The following ADGRL2 variants were observed in gnomAD, a reference collection of about 807,000 sequenced individuals.
ADGRL2 encodes adhesion G protein-coupled receptor L2.
ADGRL2 carries 44 observed loss-of-function variants against 157.4 expected under a neutral mutation model. That is an observed-to-expected ratio of 0.28 (90% CI 0.22 to 0.36). The LOEUF is 0.36. Among genes scored for constraint, ADGRL2 ranks in the 10% least tolerant of loss-of-function variants. The probability of loss-of-function intolerance (pLI) is 1.00; values close to 1 mark genes in which losing one functional copy is unlikely to be tolerated. For missense variants in ADGRL2, 1,510 were observed against 1,768.9 expected, an observed-to-expected ratio of 0.85 and a Z score of 2.63; for synonymous variants, 585 against 624.7, an observed-to-expected ratio of 0.94 and a Z score of 0.95.
chr1:81,519,144 T>C (rs547012954), intron 2 of ADGRL2, among the ~76,000 whole-genome samples: 1 of 152,320 alleles, frequency 6.6e-6, no homozygotes, highest in Non-Finnish European at 1.5e-5. Flanking sequence ...AACCCAGCTA[T>C]TTGAAGACAA....
chr1:81,587,831 G>T (rs1464404105), intron 3 of ADGRL2, among the ~76,000 whole-genome samples: 1 of 151,924 alleles, frequency 6.6e-6, no homozygotes, highest in Non-Finnish European at 1.5e-5. Context: ...AATTAAGGAG[G>T]GATTTTAGGT....
intron 2 of ADGRL2, among the ~76,000 whole-genome samples, chr1:81,574,488 G>A (rs372053046): frequency 4.6e-5 from 7 of 152,172 alleles, no homozygotes; most frequent in South Asian, 2.1e-4. Context: ...ACAGACTGCA[G>A]AGCCCAGTAC....
chr1:81,421,415 G>T (rs1052176312), intron 1 of ADGRL2, among the ~76,000 whole-genome samples: 2 of 152,132 alleles, frequency 1.3e-5, no homozygotes, highest in African/African-American at 4.8e-5. Context: ...CCCTTTCATC[G>T]ACTTGCATTA....
chr1:81,605,502 C>T (rs747663807), intron 3 of ADGRL2, among the ~76,000 whole-genome samples: 7 of 152,186 alleles, frequency 4.6e-5, no homozygotes, highest in Admixed American at 1.3e-4. Context: ...TAAGCCCCCA[C>T]ATAATAATAT....
intron 2 of ADGRL2, among the ~76,000 whole-genome samples, chr1:81,472,655 G>C (rs12726593): frequency 0.14 from 21,822 of 151,884 alleles, 1,634 homozygotes; most frequent in East Asian, 0.19. Context: ...GGAAAGGAAA[G>C]GGAAAGGGAA....
intron 1 of ADGRL2, among the ~76,000 whole-genome samples, chr1:81,712,965 C>T (rs1209539407): frequency 6.6e-6 from 1 of 151,906 alleles, no homozygotes. Flanking sequence ...ACCATGTTGG[C>T]CAGGCTGGTC....
chr1:81,473,045 A>G (rs138993820), intron 2 of ADGRL2, among the ~76,000 whole-genome samples: 147 of 146,630 alleles, frequency 1.0e-3, no homozygotes, highest in Non-Finnish European at 6.8e-4. Flanking sequence ...TGTGAACTCA[A>G]TGGATCAATG....
At chr1:81,800,840 G>A (rs1164220835), upstream of ADGRL2, among the ~76,000 whole-genome samples, 120 of 150,500 alleles carry the variant, frequency 8.0e-4, no homozygotes, top group Admixed American at 1.3e-4. Context: ...GCAGAGCTCG[G>A]GGACCTGGGG....
At position 81,814,965 on chromosome 1, in the gene ADGRL2, A is replaced by T. The variant is rs1460491930; in HGVS notation, c.-101+13897A>T. 2.0e-5 allele frequency among the ~76,000 whole-genome samples: 3 copies of T among 151,912 alleles called. No homozygotes were observed. In the East Asian group the frequency reaches 5.8e-4, roughly 29 times the overall value. On this transcript the variant is annotated intron_variant, in intron 1 of 23. Coordinates refer to ENST00000686636, the MANE Select transcript of ADGRL2 (RefSeq NM_001366006.2). Reference sequence around the variant, plus strand: ...ACCTTTATTTAAAAATAAACACAACATCTAAGGAAATCCCTAAAATTCAGA... The same window carrying T: ...ACCTTTATTTAAAAATAAACACAACTTCTAAGGAAATCCCTAAAATTCAGA...
chr1:81,378,144 A>C (rs1050334397), intron 1 of ADGRL2, among the ~76,000 whole-genome samples: 1 of 151,292 alleles, frequency 6.6e-6, no homozygotes, highest in Non-Finnish European at 1.5e-5. Context: ...GTGCCACTGC[A>C]CTCCATCTTG....
chr1:81,889,168 T>G (rs1310952833), intron 2 of ADGRL2, among the ~76,000 whole-genome samples: 1 of 152,206 alleles, frequency 6.6e-6, no homozygotes, highest in East Asian at 1.9e-4. Context: ...AGTTGCACAT[T>G]TCTTCATATT....
At chr1:81,741,810 T>A (rs986758133) in intron 1 of ADGRL2, among the ~76,000 whole-genome samples, 1 of 152,090 alleles carries the variant, frequency 6.6e-6, no homozygotes, top group East Asian at 1.9e-4. Flanking sequence ...AAAGTATACA[T>A]GCTTTTTTCC....
chr1:81,897,152 G>T (rs1176337758), intron 2 of ADGRL2, among the ~76,000 whole-genome samples: 2 of 152,174 alleles, frequency 1.3e-5, no homozygotes, highest in Non-Finnish European at 2.9e-5. Context: ...CTGTTTTCAA[G>T]ACCTGGTGTC....
chr1:81,589,710 C>G (rs186891871), intron 3 of ADGRL2, among the ~76,000 whole-genome samples: 74 of 152,080 alleles, frequency 4.9e-4, no homozygotes, highest in African/African-American at 1.7e-3. Flanking sequence ...ATTTATTGCA[C>G]TAATCTGTGC....
chr1:81,476,915 C>T lies in ADGRL2; in HGVS notation c.-248+31826C>T, dbSNP rs79404506. On this transcript the variant is annotated intron_variant, in intron 2 of 24. Coordinates refer to the ADGRL2 transcript ENST00000370721. ...CATCGATTAAACTGTATTTTTAAAT[C>T]ACCCACATTTACCTGCCTAGTCCAG... 2.6e-3 allele frequency among the ~76,000 whole-genome samples: 400 copies of T among 152,262 alleles called. 3 individuals are homozygous for T. The highest frequency in any genetic ancestry group is 9.3e-3 in the African/African-American group (388 of 41,548).
At chr1:81,982,976 T>C (rs1313222158) in intron 19 of ADGRL2, among the ~76,000 whole-genome samples, 2 of 151,986 alleles carry the variant, frequency 1.3e-5, no homozygotes, top group African/African-American at 4.8e-5. Context: ...TTAATAACAA[T>C]GAACTTTAAC....
intron 1 of ADGRL2, among the ~76,000 whole-genome samples, chr1:81,333,240 A>G (rs907266226): frequency 6.6e-6 from 1 of 152,114 alleles, no homozygotes; most frequent in Non-Finnish European, 1.5e-5. Flanking sequence ...CTGGGCTTCT[A>G]TCCTAAATCT....
intron 1 of ADGRL2, among the ~76,000 whole-genome samples, chr1:81,757,805 T>C (rs921126469): frequency 6.6e-6 from 1 of 152,208 alleles, no homozygotes; most frequent in African/African-American, 2.4e-5. Flanking sequence ...CTTAGGCAGA[T>C]AGCCAGTCTT....
chr1:81,489,339 G>T (rs558136638), intron 2 of ADGRL2, among the ~76,000 whole-genome samples: 1 of 152,132 alleles, frequency 6.6e-6, no homozygotes, highest in East Asian at 1.9e-4. Flanking sequence ...AAATTCACTA[G>T]AGGAATTCAG....
Sources: gnomAD v4.1 joint callset for allele counts (sites outside exome capture counted in the v4.1 genomes callset) on GRCh38, gnomAD v4.1.1 for gene constraint, MANE v1.5 for transcripts, NCBI Gene and HGNC (gene_info 2026-07-23, HGNC 2026-07-21) for gene names.